DGKB: variants seen among roughly 807,000 people sequenced by gnomAD.
DGKB encodes the protein diacylglycerol kinase beta.
Under a neutral mutation model 114.3 loss-of-function variants are expected in DGKB, and 67 were observed. That is an observed-to-expected ratio of 0.59 (90% CI 0.48 to 0.72). The LOEUF is 0.72. Among genes scored for constraint, DGKB ranks in the 30% least tolerant of loss-of-function variants. DGKB has a pLI of 0.00. For synonymous variants in DGKB, 398 were observed against 323.1 expected (o/e 1.23, Z -2.49); for missense variants, 907 against 975.2 (o/e 0.93, Z 0.93).
chr7:14,850,484 A>T (rs1849208962), intron 1 of DGKB, among the ~76,000 whole-genome samples: 1 of 152,140 alleles, frequency 6.6e-6, no homozygotes, highest in African/African-American at 2.4e-5. Context: ...AGTCCCAGAA[A>T]GTCTGTGAGG....
At chr7:14,960,108 C>T (rs895490137) in intron 1 of DGKB, among the ~76,000 whole-genome samples, 1 of 146,830 alleles carries the variant, frequency 6.8e-6, no homozygotes, top group African/African-American at 2.4e-5. Context: ...TGGAAGACAA[C>T]TGCGAAGTTA....
At chr7:14,353,400 A>G (rs1813835645) in intron 21 of DGKB, among the ~76,000 whole-genome samples, 1 of 152,212 alleles carries the variant, frequency 6.6e-6, no homozygotes. Context: ...TGATCAAGAC[A>G]CATACAAAGT....
At chr7:14,384,425 C>T (rs924762255) in intron 21 of DGKB, among the ~76,000 whole-genome samples, 2 of 152,114 alleles carry the variant, frequency 1.3e-5, no homozygotes, top group South Asian at 2.1e-4. Flanking sequence ...CACTCTATAT[C>T]GGCAGAACCG....
chr7:14,203,038 G>A (rs915984473), intron 23 of DGKB, among the ~76,000 whole-genome samples: 11 of 150,614 alleles, frequency 7.3e-5, no homozygotes, highest in African/African-American at 1.5e-4. Flanking sequence ...ATGAATGCTC[G>A]TCTACAATTA....
intron 23 of DGKB, among the ~76,000 whole-genome samples, chr7:14,208,193 T>C (rs145109689): frequency 1.1e-3 from 166 of 152,172 alleles, no homozygotes; most frequent in Non-Finnish European, 2.0e-3. Flanking sequence ...ACACATTTAG[T>C]GCTATGCTTG....
chr7:14,220,824 TTTTC>T lies in DGKB; in HGVS notation c.2123-42677_2123-42674del, dbSNP rs566104591. On this transcript the variant is annotated intron_variant, in intron 23 of 25. Coordinates refer to ENST00000402815, the MANE Select transcript of DGKB (RefSeq NM_001350709.2). ...GACAATGTTTTGCAATTTTCAAATGTTTTCTTTCTTTTAATTTTTTAAAATTTTT... is the reference window on the plus strand; with the variant it reads ...GACAATGTTTTGCAATTTTCAAATGTTTTCTTTTAATTTTTTAAAATTTTT... Among the ~76,000 whole-genome samples, 1,116 of 151,636 alleles carry T rather than the reference TTTTC, an allele frequency of 7.4e-3. 12 individuals carry two copies. The highest frequency in any genetic ancestry group is 0.012 in the Non-Finnish European group (827 of 67,606).
At chr7:14,370,439 T>C (rs1236911006) in intron 21 of DGKB, among the ~76,000 whole-genome samples, 2 of 152,158 alleles carry the variant, frequency 1.3e-5, no homozygotes, top group African/African-American at 4.8e-5. Flanking sequence ...AAATTTAAAG[T>C]GTTTTTTTCT....
At chr7:14,206,970 G>C (rs1287875068) in intron 23 of DGKB, among the ~76,000 whole-genome samples, 6 of 151,970 alleles carry the variant, frequency 3.9e-5, no homozygotes, top group Admixed American at 6.6e-5. Context: ...CTAAGTATTA[G>C]GGTAAAAATG....
intron 23 of DGKB, among the ~76,000 whole-genome samples, chr7:14,234,659 G>T: frequency 6.6e-6 from 1 of 151,990 alleles, no homozygotes; most frequent in East Asian, 1.9e-4. Context: ...ACCCTATCCA[G>T]TTTTTACTAA....
intron 23 of DGKB, among the ~76,000 whole-genome samples, chr7:14,210,930 C>G (rs904849259): frequency 1.3e-5 from 2 of 152,020 alleles, no homozygotes; most frequent in Non-Finnish European, 2.9e-5. Context: ...CATGCACTCC[C>G]CCTCTCCACT....
At chr7:14,526,263 C>T (rs912079446) in intron 20 of DGKB, among the ~76,000 whole-genome samples, 5 of 152,012 alleles carry the variant, frequency 3.3e-5, no homozygotes, top group Admixed American at 6.6e-5. Flanking sequence ...TTGTGGGGGG[C>T]TATACAGTAT....
chr7:14,540,420 T>C (rs1391791966), intron 20 of DGKB, among the ~76,000 whole-genome samples: 2 of 152,164 alleles, frequency 1.3e-5, no homozygotes, highest in Non-Finnish European at 2.9e-5. Context: ...CAAAAGTTCA[T>C]GGCCCAAATT....
At chr7:14,612,251 T>A (rs1413300120) in intron 16 of DGKB, among the ~76,000 whole-genome samples, 1 of 151,634 alleles carries the variant, frequency 6.6e-6, no homozygotes, top group African/African-American at 2.4e-5. Flanking sequence ...CTTGGCTTAC[T>A]GCAACCTCCC....
intron 1 of DGKB, among the ~76,000 whole-genome samples, chr7:14,855,427 A>G (rs187879347): frequency 6.6e-6 from 1 of 152,296 alleles, no homozygotes; most frequent in Non-Finnish European, 1.5e-5. Context: ...ATACTAGAAA[A>G]AAGATCTAGA....
At chr7:14,184,716 G>A (rs750060482) in intron 23 of DGKB, among the ~76,000 whole-genome samples, 2 of 152,088 alleles carry the variant, frequency 1.3e-5, no homozygotes, top group Non-Finnish European at 2.9e-5. Context: ...GGAAGACAAA[G>A]GGCATATAAT....
intron 2 of DGKB, among the ~76,000 whole-genome samples, chr7:14,793,811 T>A (rs529002837): frequency 6.6e-6 from 1 of 152,154 alleles, no homozygotes; most frequent in East Asian, 1.9e-4. Flanking sequence ...GTGGGGGAGT[T>A]TTGGTATGAG....
At chr7:14,908,866 T>C (rs1004547135) in intron 1 of DGKB, among the ~76,000 whole-genome samples, 1 of 152,188 alleles carries the variant, frequency 6.6e-6, no homozygotes, top group Non-Finnish European at 1.5e-5. Flanking sequence ...AAAAAACAGA[T>C]GCTATATAAT....
At chr7:14,676,022 G>A (rs542873997) in intron 12 of DGKB, among the ~76,000 whole-genome samples, 1 of 152,108 alleles carries the variant, frequency 6.6e-6, no homozygotes, top group South Asian at 2.1e-4. Flanking sequence ...CAATGTGAAA[G>A]CCAATGTGAA....
Position 14,338,603 on chromosome 7 carries a change from T to C in DGKB, c.2034A>G (p.Lys678=). 1 of 1,610,854 alleles carries C rather than the reference T, an allele frequency of 6.2e-7. No individual in the cohort carries two copies. Among genetic ancestry groups the C allele is most frequent in the Non-Finnish European group, 8.5e-7 (1 of 1,178,158 alleles). ...GGSNLWGESK[K]RRSHRRIEKK... ...TCTCTATTCGTCGATGGCTTCGTCTTTTCTTAGACTCTCCCCAAAGATTGG... is the reference window on the plus strand; with the variant it reads ...TCTCTATTCGTCGATGGCTTCGTCTCTTCTTAGACTCTCCCCAAAGATTGG... The change falls in exon 23 of 26, where the codon AAA becomes AAG. Residue 678 remains lysine (K), a synonymous_variant. Coordinates refer to ENST00000402815, the MANE Select transcript of DGKB (RefSeq NM_001350709.2).
Sources: allele counts gnomAD v4.1 joint callset (sites outside exome capture counted in the v4.1 genomes callset), GRCh38; gene constraint gnomAD v4.1.1; transcripts MANE v1.5; gene names NCBI Gene and HGNC (gene_info 2026-07-23, HGNC 2026-07-21).